CFAP47: variants seen among roughly 807,000 people sequenced by gnomAD.
CFAP47 encodes the protein cilia- and flagella-associated protein 47.
Under a neutral mutation model 148.1 loss-of-function variants are expected in CFAP47, and 29 were observed. The ratio of observed to expected loss-of-function variants is 0.20; its 90% CI spans 0.15 to 0.27. The LOEUF (loss-of-function observed/expected upper bound fraction) is 0.27, where lower values mean the gene tolerates loss of function less well. CFAP47 is among the 10% of genes least tolerant of loss of function. The pLI is 1.00. For missense variants in CFAP47, 1,872 were observed against 1,697.5 expected (o/e 1.10, Z -1.81); for synonymous variants, 664 against 577.3 (o/e 1.15, Z -2.15).
chrX:36,132,735 G>A (rs1242732144), intron 33 of CFAP47, among the ~76,000 whole-genome samples: 1 of 111,592 alleles, frequency 9.0e-6, no homozygotes, highest in Non-Finnish European at 1.9e-5. Flanking sequence ...CATCGCCTTG[G>A]AAGAATCATT....
intron 42 of CFAP47, among the ~76,000 whole-genome samples, chrX:36,191,005 T>G (rs1185294357): frequency 8.9e-6 from 1 of 111,882 alleles, no homozygotes; most frequent in East Asian, 2.8e-4. Context: ...TGTACTTACC[T>G]GGTGTCTATG....
At chrX:35,949,042 G>A (rs144006065) in intron 4 of CFAP47, among the ~76,000 whole-genome samples, 100 of 109,514 alleles carry the variant, frequency 9.1e-4, no homozygotes, top group African/African-American at 3.2e-3. Flanking sequence ...ATTTTTGTGC[G>A]GTATGTCTTA....
chrX:35,977,729 C>A (rs1010165218), intron 15 of CFAP47, among the ~76,000 whole-genome samples: 1 of 111,638 alleles, frequency 9.0e-6, no homozygotes, highest in African/African-American at 3.3e-5. Flanking sequence ...CAGTCATTTC[C>A]AAATCAGTAT....
At position 36,053,750 on chromosome X, in the gene CFAP47, A is replaced by G. The variant is rs772974792; in HGVS notation, c.4217+6687A>G. Among the ~76,000 whole-genome samples the G allele has an allele frequency of 3.6e-5, 4 of 112,457 alleles. No homozygotes were observed. The South Asian group carries it at 1.5e-3, about 41-fold the overall frequency. ...ATATAATACTGGTGTGTCATAATAC[A>G]CTATAAATATACGATGTTCATAACT... On this transcript the variant is annotated intron_variant, in intron 26 of 63. Transcript: ENST00000378653.
At position 36,235,451 on chromosome X, in the gene CFAP47, C is replaced by T. The variant is rs782443134; in HGVS notation, c.7015-483C>T. 2.7e-5 allele frequency among the ~76,000 whole-genome samples: 3 copies of T among 112,413 alleles called. No homozygotes were observed. In the Admixed American group the frequency reaches 2.8e-4, roughly 10 times the overall value. On this transcript the variant is annotated intron_variant, in intron 46 of 63. Coordinates refer to ENST00000378653, the MANE Select transcript of CFAP47 (RefSeq NM_001304548.2). ...TGGGGGATATAATCTCCTGGTGCGC[C>T]ATTTTTTTAAGCCTGTGGAAAAGCG...
At chrX:35,949,916 G>A (rs1245675290) in intron 4 of CFAP47, among the ~76,000 whole-genome samples, 1 of 112,028 alleles carries the variant, frequency 8.9e-6, no homozygotes, top group Non-Finnish European at 1.9e-5. Flanking sequence ...TACTCAGCCT[G>A]TATAGGGTTG....
chrX:36,171,603 G>A (rs1329978596), intron 39 of CFAP47, among the ~76,000 whole-genome samples: 1 of 110,743 alleles, frequency 9.0e-6, no homozygotes, highest in East Asian at 2.8e-4. Flanking sequence ...AGATCAGATA[G>A]CTGTAGATAT....
chrX:35,933,954 T>C (rs1030813940), intron 2 of CFAP47, among the ~76,000 whole-genome samples: 1 of 111,893 alleles, frequency 8.9e-6, no homozygotes, highest in Non-Finnish European at 1.9e-5. Context: ...TTGAGGTCCT[T>C]ATATATTCTG....
At chrX:35,935,906 T>C (rs7061730) in intron 2 of CFAP47, among the ~76,000 whole-genome samples, 2,053 of 111,494 alleles carry the variant, frequency 0.018, 51 homozygotes, top group African/African-American at 0.062. Context: ...ATGGAACACA[T>C]TCTTTCTCTC....
At chrX:36,025,330 A>C (rs774916929) in intron 22 of CFAP47, among the ~76,000 whole-genome samples, 1 of 111,414 alleles carries the variant, frequency 9.0e-6, no homozygotes, top group African/African-American at 3.3e-5. Context: ...ATTAATGTTG[A>C]CTTAAAGAAA....
At chrX:36,202,690 C>G (rs1486763523) in intron 44 of CFAP47, among the ~76,000 whole-genome samples, 1 of 110,460 alleles carries the variant, frequency 9.1e-6, no homozygotes, top group Non-Finnish European at 1.9e-5. Flanking sequence ...CCAGCCTGAC[C>G]AATATGAAAC....
intron 26 of CFAP47, among the ~76,000 whole-genome samples, chrX:36,059,443 G>A (rs190560745): frequency 3.0e-4 from 34 of 111,788 alleles, no homozygotes; most frequent in Admixed American, 2.3e-3. Context: ...TAAGTTCTGT[G>A]AAATTAACCT....
At chrX:35,961,762 C>T (rs1241978150) in intron 8 of CFAP47, among the ~76,000 whole-genome samples, 1 of 110,553 alleles carries the variant, frequency 9.0e-6, no homozygotes, top group Non-Finnish European at 1.9e-5. Context: ...TTAATCATTT[C>T]AAAGATATAG....
chrX:36,104,598 A>G lies in CFAP47; in HGVS notation c.5227A>G (p.Asn1743Asp). The G allele has an allele frequency of 1.1e-6, 1 of 934,994 alleles. No homozygotes were observed. Among genetic ancestry groups the G allele is most frequent in the Admixed American group, 2.2e-5 (1 of 44,498 alleles). 77.1% of individuals were successfully genotyped at this position (934,994 alleles called of 1,213,427 possible). ...AGTCAATCCTTGTTTTGCATCCAGCAACATATATTCTGATTCTGAAAGAAT... is the reference window on the plus strand; with the variant it reads ...AGTCAATCCTTGTTTTGCATCCAGCGACATATATTCTGATTCTGAAAGAAT... ...PKVNPCFASS[N>D]IYSDSERILL... Residue 1743 changes from asparagine (N) to aspartate (D), a missense_variant, in exon 33 of 64, where the codon AAC becomes GAC. Transcript: ENST00000378653.
chrX:36,175,098 C>T (rs1939651597), intron 39 of CFAP47, among the ~76,000 whole-genome samples: 1 of 111,778 alleles, frequency 8.9e-6, no homozygotes, highest in African/African-American at 3.3e-5. Context: ...CGCATCGGCT[C>T]CTGAGGCTTC....
At chrX:36,228,410 G>A (rs1262544891) in intron 45 of CFAP47, among the ~76,000 whole-genome samples, 1 of 110,629 alleles carries the variant, frequency 9.0e-6, no homozygotes, top group African/African-American at 3.3e-5. Flanking sequence ...TGACTTTGAG[G>A]AGCACACTGT....
chrX:35,968,355 G>T, intron 10 of CFAP47, among the ~76,000 whole-genome samples: 1 of 110,847 alleles, frequency 9.0e-6, no homozygotes, highest in Non-Finnish European at 1.9e-5. Flanking sequence ...CCCCAATTAG[G>T]ATGATAAAAA....
intron 6 of CFAP47, among the ~76,000 whole-genome samples, chrX:35,953,265 A>G (rs1206273067): frequency 8.9e-6 from 1 of 112,258 alleles, no homozygotes; most frequent in African/African-American, 3.2e-5. Flanking sequence ...CAGAGTCCTT[A>G]GTTAGAGATG....
chrX:36,262,030 A>C (rs2146931154), intron 49 of CFAP47, among the ~76,000 whole-genome samples: 1 of 112,056 alleles, frequency 8.9e-6, no homozygotes, highest in East Asian at 2.9e-4. Flanking sequence ...GTATAGTTTC[A>C]AGTCAGGTAG....
Sources: gnomAD v4.1 joint callset for allele counts (sites outside exome capture counted in the v4.1 genomes callset) on GRCh38, gnomAD v4.1.1 for gene constraint, MANE v1.5 for transcripts, NCBI Gene and HGNC (gene_info 2026-07-23, HGNC 2026-07-21) for gene names.